WWOX: variants seen among roughly 807,000 people sequenced by gnomAD.
WWOX encodes the protein WW domain containing oxidoreductase.
A neutral mutation model predicts 46.2 loss-of-function variants in WWOX; 69 were observed. That is an observed-to-expected ratio of 1.49 (90% CI 1.23 to 1.82). The LOEUF (loss-of-function observed/expected upper bound fraction) is 1.82. Among genes scored for constraint, WWOX ranks in the 40% most tolerant of loss-of-function variants. The pLI is 0.00. For missense variants in WWOX, 919 were observed against 542.6 expected, an observed-to-expected ratio of 1.69 and a Z score of -6.89; for synonymous variants, 359 against 202.6, an observed-to-expected ratio of 1.77 and a Z score of -6.56.
intron 8 of WWOX, among the ~76,000 whole-genome samples, chr16:78,501,759 A>T (rs1001900283): frequency 6.6e-6 from 1 of 151,956 alleles, no homozygotes; most frequent in South Asian, 2.1e-4. Flanking sequence ...CTGGTCTCGA[A>T]CTCCTGACCT....
At chr16:78,329,624 C>T (rs1373756813) in intron 5 of WWOX, among the ~76,000 whole-genome samples, 1 of 152,192 alleles carries the variant, frequency 6.6e-6, no homozygotes, top group African/African-American at 2.4e-5. Context: ...TAGCAGTTTC[C>T]TGCACACGCT....
intron 5 of WWOX, among the ~76,000 whole-genome samples, chr16:78,364,660 T>TTATCTC (rs1555526838): frequency 6.6e-6 from 1 of 151,746 alleles, no homozygotes; most frequent in Admixed American, 6.6e-5. Flanking sequence ...TGGGTGCTCT[T>TTATCTC]TCTCTATAAT....
chr16:78,644,822 A>G (rs1233315605), intron 8 of WWOX, among the ~76,000 whole-genome samples: 1 of 152,220 alleles, frequency 6.6e-6, no homozygotes, highest in African/African-American at 2.4e-5. Context: ...GTCAGGCTTA[A>G]GAATACACTA....
chr16:78,983,785 C>T (rs1348005174), intron 8 of WWOX, among the ~76,000 whole-genome samples: 1 of 150,668 alleles, frequency 6.6e-6, no homozygotes, highest in African/African-American at 2.4e-5. Context: ...GACTTTGAGA[C>T]ATATCTCCTA....
chr16:78,548,930 C>T (rs2044112717), intron 8 of WWOX, among the ~76,000 whole-genome samples: 1 of 152,138 alleles, frequency 6.6e-6, no homozygotes, highest in Non-Finnish European at 1.5e-5. Context: ...TCTTAACTGC[C>T]AAGTTTTGCC....
At chr16:79,043,723 G>C (rs1474599097) in intron 8 of WWOX, among the ~76,000 whole-genome samples, 5 of 152,198 alleles carry the variant, frequency 3.3e-5, no homozygotes, top group Non-Finnish European at 7.3e-5. Context: ...TTCATAACCA[G>C]GGAATTAATC....
intron 8 of WWOX, among the ~76,000 whole-genome samples, chr16:78,834,679 GA>G (rs1427051600): frequency 6.6e-6 from 1 of 152,122 alleles, no homozygotes; most frequent in African/African-American, 2.4e-5. Flanking sequence ...CTTCTTAACA[GA>G]ATAAAGATTT....
chr16:78,102,963 C>G (rs1384346458), intron 1 of WWOX, among the ~76,000 whole-genome samples: 1 of 152,218 alleles, frequency 6.6e-6, no homozygotes, highest in Non-Finnish European at 1.5e-5. Flanking sequence ...ACCTCTGCCT[C>G]TGGCTCTGTG....
At chr16:78,288,612 T>C (rs1417551269) in intron 5 of WWOX, among the ~76,000 whole-genome samples, 1 of 152,218 alleles carries the variant, frequency 6.6e-6, no homozygotes, top group Non-Finnish European at 1.5e-5. Context: ...ATCCCTTGTA[T>C]TTTAGAAGAG....
chr16:78,588,622 A>T (rs1014539203), intron 8 of WWOX, among the ~76,000 whole-genome samples: 9 of 152,230 alleles, frequency 5.9e-5, no homozygotes, highest in Non-Finnish European at 1.3e-4. Context: ...GCTCAGAGAA[A>T]GTGAGGTCAT....
intron 8 of WWOX, among the ~76,000 whole-genome samples, chr16:79,010,530 C>T (rs2099048963): frequency 6.6e-6 from 1 of 152,108 alleles, no homozygotes; most frequent in African/African-American, 2.4e-5. Context: ...AGATTAAAGC[C>T]CCTGCCCTGT....
Position 78,855,374 on chromosome 16 carries a change from A to G in WWOX, c.1057-356234A>G, listed in dbSNP as rs73579334. 4.5e-3 allele frequency among the ~76,000 whole-genome samples: 681 copies of G among 152,220 alleles called. 5 individuals are homozygous for G. Among genetic ancestry groups the G allele is most frequent in the African/African-American group, 0.015 (642 of 41,522 alleles). ...TTTAGTGTTAGCTGACTAAAATTGT[A>G]TGTTGCGGGGAGGAAAAAAAAACAC... On this transcript the variant is annotated intron_variant, in intron 8 of 8. Transcript: ENST00000566780.
At chr16:78,105,693 T>C (rs993498784) in intron 1 of WWOX, among the ~76,000 whole-genome samples, 19 of 152,344 alleles carry the variant, frequency 1.2e-4, no homozygotes, top group African/African-American at 4.6e-4. Context: ...GGCATGAGGC[T>C]ACATGTCTGA....
intron 8 of WWOX, among the ~76,000 whole-genome samples, chr16:78,788,784 C>G (rs1333446412): frequency 6.6e-6 from 1 of 152,212 alleles, no homozygotes; most frequent in Non-Finnish European, 1.5e-5. Context: ...ATTCTGAAGT[C>G]TCTGACTTGC....
intron 8 of WWOX, among the ~76,000 whole-genome samples, chr16:79,142,260 G>C (rs111690737): frequency 7.9e-5 from 12 of 152,288 alleles, no homozygotes; most frequent in African/African-American, 2.4e-4. Flanking sequence ...ATAATTCCTG[G>C]TAGTGACGGG....
At chr16:78,800,125 C>T (rs1306414255) in intron 8 of WWOX, among the ~76,000 whole-genome samples, 3 of 151,880 alleles carry the variant, frequency 2.0e-5, no homozygotes, top group Non-Finnish European at 4.4e-5. Context: ...TTTATCTTTG[C>T]ACTAAAAACA....
intron 7 of WWOX, among the ~76,000 whole-genome samples, chr16:78,428,564 C>G (rs1463924758): frequency 6.6e-6 from 1 of 152,186 alleles, no homozygotes; most frequent in Non-Finnish European, 1.5e-5. Context: ...TCTAATTTGT[C>G]ATCATGGGAT....
At chr16:78,650,261 C>CG in intron 8 of WWOX, among the ~76,000 whole-genome samples, 1 of 152,280 alleles carries the variant, frequency 6.6e-6, no homozygotes, top group East Asian at 1.9e-4. Context: ...TTCTTCAGGA[C>CG]TTACTTTGAA....
intron 5 of WWOX, among the ~76,000 whole-genome samples, chr16:78,181,956 G>A (rs1354540351): frequency 1.3e-5 from 2 of 152,086 alleles, no homozygotes; most frequent in East Asian, 1.9e-4. Flanking sequence ...TTTAGCCTCC[G>A]CGAGTTCCTT....
Sources: gnomAD v4.1 joint callset for allele counts (sites outside exome capture counted in the v4.1 genomes callset) on GRCh38, gnomAD v4.1.1 for gene constraint, MANE v1.5 for transcripts, NCBI Gene and HGNC (gene_info 2026-07-23, HGNC 2026-07-21) for gene names.